DZANK1: variants seen among roughly 807,000 people sequenced by gnomAD.
DZANK1 encodes the protein double zinc ribbon and ankyrin repeat-containing protein 1.
DZANK1 carries 91 observed loss-of-function variants against 94.5 expected under a neutral mutation model. The observed-to-expected ratio is 0.96, with a 90% CI of 0.81 to 1.15. DZANK1 has a LOEUF of 1.15. Among genes scored for constraint, DZANK1 ranks in the 50% most tolerant of loss-of-function variants. The probability of loss-of-function intolerance (pLI) is 0.00; values close to 1 mark genes in which losing one functional copy is unlikely to be tolerated. For missense variants in DZANK1, 903 were observed against 916.4 expected (o/e 0.99, Z 0.19); for synonymous variants, 312 against 325.3 (o/e 0.96, Z 0.44).
At position 18,461,181 on chromosome 20, in the gene DZANK1, C is replaced by T. The variant is rs148736669; in HGVS notation, c.110-875G>A. Among the ~76,000 whole-genome samples the T allele has an allele frequency of 3.1e-3, 478 of 152,254 alleles. 1 individual carries two copies. Among genetic ancestry groups the T allele is most frequent in the Middle Eastern group, 0.01 (3 of 294 alleles). On this transcript the variant is annotated intron_variant, in intron 2 of 20. Coordinates refer to ENST00000262547, the Ensembl canonical transcript of DZANK1. ...TATCAATGGTATCTTCAGTAACCTT[C>T]AAAAATATTTTATATCCATACAAGC...
chr20:18,406,849 A>G (rs1219442278), intron 13 of DZANK1, among the ~76,000 whole-genome samples: 2 of 152,182 alleles, frequency 1.3e-5, no homozygotes, highest in Admixed American at 1.3e-4. Flanking sequence ...GCCTGGAAGC[A>G]TTCACCACAA....
At chr20:18,430,836 A>T (rs1034234488) in intron 9 of DZANK1, among the ~76,000 whole-genome samples, 3 of 152,164 alleles carry the variant, frequency 2.0e-5, no homozygotes, top group Non-Finnish European at 2.9e-5. Flanking sequence ...TAATAAAAAT[A>T]AAAAAAGAAA....
At chr20:18,437,999 A>G (rs1003974018) in intron 8 of DZANK1, among the ~76,000 whole-genome samples, 26 of 152,030 alleles carry the variant, frequency 1.7e-4, no homozygotes, top group Admixed American at 1.4e-3. Context: ...CGGGCGGATC[A>G]TGAGGTCAGG....
At chr20:18,425,705 G>T (rs2058009519) in intron 10 of DZANK1, among the ~76,000 whole-genome samples, 1 of 152,140 alleles carries the variant, frequency 6.6e-6, no homozygotes, top group Non-Finnish European at 1.5e-5. Context: ...GTTAAAATGT[G>T]GTCATTAGGG....
chr20:18,431,382 C>T (rs910774536), intron 9 of DZANK1, among the ~76,000 whole-genome samples: 3 of 152,042 alleles, frequency 2.0e-5, no homozygotes, highest in Non-Finnish European at 2.9e-5. Context: ...TAGAGACCAA[C>T]GCAGAAAGGG....
Position 18,462,953 on chromosome 20 carries a change from AAAAAAAG to A in DZANK1, c.109+2290_109+2296del, listed in dbSNP as rs1442933449. Among the ~76,000 whole-genome samples, 3 of 151,930 alleles carry A rather than the reference AAAAAAAG, an allele frequency of 2.0e-5. 1 individual carries two copies. Among genetic ancestry groups the A allele is most frequent in the Admixed American group, 2.0e-4 (3 of 15,218 alleles). On this transcript the variant is annotated intron_variant, in intron 2 of 20. Transcript: ENST00000262547. ...ACTCGGTCTTAAAAAAAAAAAAAAA[AAAAAAAG>A]AAAGAAATAAGAGTTGAAATACCAT... is the stretch of plus-strand genomic sequence containing the variant.
chr20:18,453,227 G>A (rs2059166972), intron 5 of DZANK1, among the ~76,000 whole-genome samples: 1 of 152,158 alleles, frequency 6.6e-6, no homozygotes, highest in Non-Finnish European at 1.5e-5. Flanking sequence ...ACATAGAGAA[G>A]CAGCTTCAAT....
intron 14 of DZANK1, among the ~76,000 whole-genome samples, chr20:18,397,971 A>C (rs1285306845): frequency 6.6e-6 from 1 of 152,214 alleles, no homozygotes; most frequent in African/African-American, 2.4e-5. Context: ...CGTTAGTCAA[A>C]CAGTCACAGA....
intron 13 of DZANK1, among the ~76,000 whole-genome samples, chr20:18,408,644 A>T (rs1435163816): frequency 6.6e-6 from 1 of 152,202 alleles, no homozygotes; most frequent in Non-Finnish European, 1.5e-5. Flanking sequence ...AAAAAGTTTT[A>T]CCCTAGAATA....
At chr20:18,447,569 C>A (rs564788099) in intron 7 of DZANK1, among the ~76,000 whole-genome samples, 1 of 152,046 alleles carries the variant, frequency 6.6e-6, no homozygotes, top group East Asian at 2.0e-4. Flanking sequence ...CTCAGGTGAT[C>A]CGCCCACCTC....
intron 7 of DZANK1, among the ~76,000 whole-genome samples, chr20:18,447,424 C>T (rs1345659567): frequency 1.3e-5 from 2 of 152,196 alleles, no homozygotes; most frequent in East Asian, 1.9e-4. Context: ...CGGGTTCAAG[C>T]GATTCTCCTG....
intron 18 of DZANK1, 113 bp from the exon 19 acceptor site, chr20:18,389,941 T>C (rs2055866008): frequency 6.1e-6 from 9 of 1,479,248 alleles, no homozygotes; most frequent in Admixed American, 2.1e-5. Context: ...GCAACTAAAG[T>C]GCTTTCAGAT....
At chr20:18,455,250 C>T in exon 4 of DZANK1, 2 of 1,598,120 alleles carry the variant, frequency 1.3e-6, no homozygotes, top group East Asian at 2.2e-5. Context: ...TACTTGCCTG[C>T]CTTGAAGAAT....
At chr20:18,453,765 T>C (rs759301245) in exon 5 of DZANK1, 2 of 1,613,100 alleles carry the variant, frequency 1.2e-6, no homozygotes, top group Non-Finnish European at 1.7e-6. Context: ...TCCAGCTGCG[T>C]TGATTTTCAG....
At chr20:18,407,813 A>G (rs925749503) in intron 13 of DZANK1, among the ~76,000 whole-genome samples, 62 of 152,268 alleles carry the variant, frequency 4.1e-4, no homozygotes, top group African/African-American at 1.5e-3. Context: ...TCTAGATAGC[A>G]GAACTGATTA....
chr20:18,453,683 CG>C, intron 5 of DZANK1, 47 bp downstream of exon 5: 1 of 1,344,976 alleles, frequency 7.4e-7, no homozygotes, highest in Non-Finnish European at 1.1e-6. Context: ...TGAACCTCTT[CG>C]GTGGGTTCAG....
intron 6 of DZANK1, chr20:18,452,016 A>C (rs1261640259): frequency 4.1e-6 from 2 of 493,252 alleles, no homozygotes; most frequent in Non-Finnish European, 8.0e-6. Context: ...TCTTACGGTC[A>C]GACTAGTATC....
chr20:18,390,430 G>T, exon 18 of DZANK1: 1 of 1,613,878 alleles, frequency 6.2e-7, no homozygotes, highest in Non-Finnish European at 8.5e-7. Context: ...CCGTGGGTCC[G>T]ACTTCCTTCA....
At position 18,415,281 on chromosome 20, in the gene DZANK1, G is replaced by A. The variant is rs745461473; in HGVS notation, c.1077+46C>T. ...GAAGTGCCTGGCTCTCTCCAGGCCA[G>A]TGGTGAGGTGCTCAGTATACAGAAT... On this transcript the variant is annotated intron_variant, in intron 11 of 20. Transcript: ENST00000262547. 7 of 1,412,904 alleles carry A rather than the reference G, an allele frequency of 5.0e-6. No individual in the cohort carries two copies. In the East Asian group the frequency reaches 1.3e-4, roughly 27 times the overall value. 87.5% of individuals were successfully genotyped at this position (1,412,904 alleles called of 1,614,324 possible).
Sources: gnomAD v4.1 joint callset for allele counts (sites outside exome capture counted in the v4.1 genomes callset) on GRCh38, gnomAD v4.1.1 for gene constraint, MANE v1.5 for transcripts, NCBI Gene and HGNC (gene_info 2026-07-23, HGNC 2026-07-21) for gene names.